ASIC2: variants seen among roughly 807,000 people sequenced by gnomAD.
The protein encoded by ASIC2 is acid sensing ion channel subunit 2.
A neutral mutation model predicts 57.3 loss-of-function variants in ASIC2; 25 were observed. The ratio of observed to expected loss-of-function variants is 0.44; its 90% CI spans 0.32 to 0.61. The LOEUF (loss-of-function observed/expected upper bound fraction) is 0.61, where lower values mean the gene tolerates loss of function less well. Among genes scored for constraint, ASIC2 ranks in the 20% least tolerant of loss-of-function variants. The probability of loss-of-function intolerance (pLI) is 0.06; values close to 1 mark genes in which losing one functional copy is unlikely to be tolerated. For missense variants in ASIC2, 641 were observed against 738.1 expected, an observed-to-expected ratio of 0.87 and a Z score of 1.52; for synonymous variants, 319 against 307.5, an observed-to-expected ratio of 1.04 and a Z score of -0.39.
chr17:33,658,233 G>A (rs528402265), intron 1 of ASIC2, among the ~76,000 whole-genome samples: 2 of 152,358 alleles, frequency 1.3e-5, no homozygotes, highest in South Asian at 4.1e-4. Flanking sequence ...AAACCAGAGA[G>A]GGACAGAGGC....
chr17:33,408,092 C>T (rs1484646101), intron 1 of ASIC2, among the ~76,000 whole-genome samples: 2 of 152,194 alleles, frequency 1.3e-5, no homozygotes, highest in African/African-American at 2.4e-5. Flanking sequence ...AATGACTTCT[C>T]ATGAGTTTCC....
At chr17:33,710,922 G>C (rs964724298) in intron 1 of ASIC2, among the ~76,000 whole-genome samples, 5 of 152,130 alleles carry the variant, frequency 3.3e-5, no homozygotes, top group Non-Finnish European at 7.4e-5. Flanking sequence ...TAGTTTGAGT[G>C]GGGGCACAGT....
At chr17:33,894,771 A>G (rs1027707764) in intron 1 of ASIC2, among the ~76,000 whole-genome samples, 1 of 152,200 alleles carries the variant, frequency 6.6e-6, no homozygotes, top group Admixed American at 6.5e-5. Flanking sequence ...AAGTTACTGC[A>G]TGAAAGAGAC....
chr17:33,604,731 A>T (rs750165329), intron 1 of ASIC2, among the ~76,000 whole-genome samples: 87 of 152,176 alleles, frequency 5.7e-4, no homozygotes, highest in African/African-American at 2.0e-3. Flanking sequence ...CGCTAAAAGG[A>T]GAGGATGGAG....
chr17:33,189,528 A>G (rs1009380721), intron 1 of ASIC2, among the ~76,000 whole-genome samples: 1 of 152,158 alleles, frequency 6.6e-6, no homozygotes, highest in African/African-American at 2.4e-5. Context: ...AGAGACTGTT[A>G]GATTGTATTG....
chr17:33,275,720 A>G (rs1497355), intron 1 of ASIC2, among the ~76,000 whole-genome samples: 50,843 of 151,830 alleles, frequency 0.33, 8,611 homozygotes, highest in Admixed American at 0.41. Flanking sequence ...GTGAAGACTT[A>G]AACTCAGGTG....
At chr17:34,046,790 A>G (rs995916704) in intron 1 of ASIC2, among the ~76,000 whole-genome samples, 2 of 152,178 alleles carry the variant, frequency 1.3e-5, no homozygotes, top group Admixed American at 6.5e-5. Flanking sequence ...TTTGATTGTA[A>G]AAGAAGAGTA....
intron 1 of ASIC2, among the ~76,000 whole-genome samples, chr17:33,174,937 G>T (rs1351763724): frequency 2.0e-5 from 3 of 152,072 alleles, no homozygotes; most frequent in Non-Finnish European, 2.9e-5. Flanking sequence ...TACTGGCCCT[G>T]GTGTCTCTGT....
At chr17:33,866,946 G>C (rs1163048103) in intron 1 of ASIC2, among the ~76,000 whole-genome samples, 1 of 152,144 alleles carries the variant, frequency 6.6e-6, no homozygotes, top group East Asian at 1.9e-4. Context: ...TCTGAATTGT[G>C]GTCCCTTGGA....
intron 1 of ASIC2, among the ~76,000 whole-genome samples, chr17:33,505,250 G>C (rs912687854): frequency 1.3e-5 from 2 of 152,010 alleles, no homozygotes. Context: ...GACCCAATCA[G>C]TGACTGGGAG....
chr17:33,399,500 G>A (rs1193056283), intron 1 of ASIC2, among the ~76,000 whole-genome samples: 3 of 152,054 alleles, frequency 2.0e-5, no homozygotes, highest in African/African-American at 4.8e-5. Flanking sequence ...TCATCCTTGG[G>A]TGGTGTTGGG....
chr17:33,385,953 C>G lies in ASIC2; in HGVS notation c.556-273886G>C, dbSNP rs553584793. Among the ~76,000 whole-genome samples the G allele has an allele frequency of 2.6e-5, 4 of 152,322 alleles. No individual in the cohort carries two copies. In the South Asian group the frequency reaches 8.3e-4, roughly 32 times the overall value. The stretch of plus-strand genomic sequence containing the variant: ...ATCAGCCAAGGTTTACAGGACCCAC[C>G]TGCCGGACTGCTCCCTCGCAGAGAT... On this transcript the variant is annotated intron_variant, in intron 1 of 9. Transcript: ENST00000359872.
At chr17:34,093,778 C>T (rs1316796458) in intron 1 of ASIC2, among the ~76,000 whole-genome samples, 2 of 152,196 alleles carry the variant, frequency 1.3e-5, no homozygotes, top group Non-Finnish European at 1.5e-5. Flanking sequence ...TGAACTAAGA[C>T]CACCCGTCAC....
rs141212753 is a variant in ASIC2, at chr17:33,419,396, C to T, written c.556-307329G>A. On this transcript the variant is annotated intron_variant, in intron 1 of 9. Coordinates refer to the ASIC2 transcript ENST00000359872. ...TGAAGGATTTGACCAACCCCATTCC[C>T]AGGCGGCACAAAGCTTGTCAGTTCT... is the stretch of plus-strand genomic sequence containing the variant. 2.9e-4 allele frequency among the ~76,000 whole-genome samples: 44 copies of T among 152,322 alleles called. No homozygotes were observed. The East Asian group carries it at 8.1e-3, about 28-fold the overall frequency.
intron 1 of ASIC2, among the ~76,000 whole-genome samples, chr17:33,819,860 G>A (rs114765292): frequency 0.014 from 2,187 of 152,256 alleles, 23 homozygotes; most frequent in Middle Eastern, 0.061. Flanking sequence ...TTCTTAATTC[G>A]GTTCTGCAGA....
intron 1 of ASIC2, among the ~76,000 whole-genome samples, chr17:33,866,828 C>A (rs1233061450): frequency 6.6e-6 from 1 of 152,188 alleles, no homozygotes; most frequent in Non-Finnish European, 1.5e-5. Context: ...TAAGAAGAAG[C>A]CAGTCTCTGA....
In ASIC2 at chr17:33,381,798, A is replaced by G. The variant is rs138380378; in HGVS notation, c.556-269731T>C. ...AGCCTCAAATCCCAACTCCTCCATTACTAGCCGAATGGCCTATACCAAGTT... is the reference window on the plus strand; with the variant it reads ...AGCCTCAAATCCCAACTCCTCCATTGCTAGCCGAATGGCCTATACCAAGTT... On this transcript the variant is annotated intron_variant, in intron 1 of 9. Coordinates refer to the ASIC2 transcript ENST00000359872. Among the ~76,000 whole-genome samples the G allele has an allele frequency of 3.1e-3, 473 of 152,304 alleles. 1 individual carries two copies. Among genetic ancestry groups the G allele is most frequent in the African/African-American group, 0.011 (464 of 41,552 alleles).
At chr17:34,085,352 G>A (rs1910070282) in intron 1 of ASIC2, among the ~76,000 whole-genome samples, 1 of 152,276 alleles carries the variant, frequency 6.6e-6, no homozygotes, top group African/African-American at 2.4e-5. Flanking sequence ...ACTGATTTGT[G>A]TATATTGAAC....
intron 1 of ASIC2, among the ~76,000 whole-genome samples, chr17:33,753,918 A>G (rs577503880): frequency 1.3e-5 from 2 of 152,340 alleles, no homozygotes; most frequent in East Asian, 3.9e-4. Context: ...CAATTGTAAC[A>G]GATATATCAC....
Sources: gnomAD v4.1 joint callset for allele counts (sites outside exome capture counted in the v4.1 genomes callset) on GRCh38, gnomAD v4.1.1 for gene constraint, MANE v1.5 for transcripts, NCBI Gene and HGNC (gene_info 2026-07-23, HGNC 2026-07-21) for gene names.